The following PTK7 variants were observed in gnomAD, a reference collection of about 807,000 sequenced individuals.
PTK7 encodes the protein inactive tyrosine-protein kinase 7.
PTK7 carries 39 observed loss-of-function variants against 116.6 expected under a neutral mutation model. The observed-to-expected ratio is 0.33, with a 90% CI of 0.26 to 0.44. PTK7 has a LOEUF of 0.44. PTK7 is among the 20% of genes least tolerant of loss of function. The pLI, the probability that PTK7 is intolerant of heterozygous loss-of-function variation, is 1.00. For synonymous variants in PTK7, 546 were observed against 563.6 expected, an observed-to-expected ratio of 0.97 and a Z score of 0.44; for missense variants, 1,169 against 1,425.6, an observed-to-expected ratio of 0.82 and a Z score of 2.90.
intron 1 of PTK7, among the ~76,000 whole-genome samples, chr6:43,109,389 G>C (rs769222076): frequency 6.6e-6 from 1 of 151,058 alleles, no homozygotes. Flanking sequence ...GACCCTGCTA[G>C]TCTTTGCTTG....
chr6:43,113,748 A>G (rs966854570), intron 1 of PTK7, among the ~76,000 whole-genome samples: 3 of 152,180 alleles, frequency 2.0e-5, no homozygotes, highest in South Asian at 4.1e-4. Context: ...GGCTCAGACC[A>G]TTTTAGATGT....
intron 1 of PTK7, among the ~76,000 whole-genome samples, chr6:43,107,867 C>A (rs1016398116): frequency 6.6e-6 from 1 of 152,168 alleles, no homozygotes; most frequent in African/African-American, 2.4e-5. Context: ...ATGGAGGAGA[C>A]CAAGTGCGAG....
At chr6:43,098,736 G>T (rs1025738845) in intron 1 of PTK7, among the ~76,000 whole-genome samples, 4 of 151,210 alleles carry the variant, frequency 2.6e-5, no homozygotes, top group African/African-American at 9.8e-5. Context: ...ATCATAAGAG[G>T]TGAAGAAACT....
In PTK7 at chr6:43,143,857, C is replaced by A. The variant is rs185188910; in HGVS notation, c.2251+237C>A. 1.3e-5 allele frequency among the ~76,000 whole-genome samples: 2 copies of A among 152,228 alleles called. No homozygotes were observed. Among genetic ancestry groups the A allele is most frequent in the Non-Finnish European group, 2.9e-5 (2 of 68,042 alleles). The stretch of plus-strand genomic sequence containing the variant: ...CCCCTTGGACCAGCTTCCTATGATT[C>A]CCTGCTGTTTCCTCCTCCCAGCACA... On this transcript the variant is annotated intron_variant, in intron 14 of 19. Transcript: ENST00000230419. This position sits in a 1 kb window ranked among gnomAD's most constrained non-coding sequence, Gnocchi z 4.2.
chr6:43,132,161 G>A lies in PTK7; in HGVS notation c.958G>A (p.Ala320Thr), dbSNP rs141712145. The A allele has an allele frequency of 1.2e-4, 198 of 1,608,892 alleles. No homozygotes were observed. The highest frequency in any genetic ancestry group is 1.6e-4 in the Non-Finnish European group (185 of 1,176,082). ...PIILEATLHLAEIEDMPLFEP... is the reference protein window; with the variant it reads ...PIILEATLHLTEIEDMPLFEP... ...CATCCTGGAAGCCACACTTCACCTA[G>A]CAGGTGAGTCTCTGGGTCTGGGGTG... Residue 320 changes from alanine (A) to threonine (T), a missense_variant, in exon 6 of 20, where the codon GCA (alanine) becomes ACA (threonine). Transcript: ENST00000230419.
At chr6:43,157,582 A>G (rs1771584640) in intron 17 of PTK7, among the ~76,000 whole-genome samples, 1 of 151,406 alleles carries the variant, frequency 6.6e-6, no homozygotes, top group Non-Finnish European at 1.5e-5. Flanking sequence ...GAAACAACCC[A>G]TAAAGATATC....
intron 1 of PTK7, among the ~76,000 whole-genome samples, chr6:43,081,725 A>C (rs1766393969): frequency 1.3e-5 from 2 of 152,236 alleles, no homozygotes; most frequent in South Asian, 4.2e-4. Context: ...GTCCTCATAT[A>C]GGTTTATTTA....
intron 1 of PTK7, among the ~76,000 whole-genome samples, chr6:43,090,100 T>C (rs1426765954): frequency 6.6e-6 from 1 of 152,230 alleles, no homozygotes; most frequent in Non-Finnish European, 1.5e-5. Context: ...GAGTCTCTAC[T>C]TGGGCCTTTC....
intron 1 of PTK7, among the ~76,000 whole-genome samples, chr6:43,095,108 C>T: frequency 6.7e-6 from 1 of 148,372 alleles, no homozygotes; most frequent in East Asian, 2.0e-4. Flanking sequence ...GCCTGTAGTC[C>T]CAGCACTTTG....
chr6:43,125,536 A>G (rs1582146413), intron 1 of PTK7, among the ~76,000 whole-genome samples: 1 of 151,938 alleles, frequency 6.6e-6, no homozygotes, highest in African/African-American at 2.4e-5. Flanking sequence ...TATCCCACCC[A>G]CCACCTGCTT....
In PTK7 at chr6:43,145,342, T is replaced by C; in HGVS notation, c.2550T>C (p.Phe850=). 6.2e-7 allele frequency: 1 copy of C among 1,613,376 alleles called. No individual in the cohort carries two copies. Among genetic ancestry groups the C allele is most frequent in the Non-Finnish European group, 8.5e-7 (1 of 1,179,758 alleles). The change falls in exon 16 of 20, where the codon TTT becomes TTC. Residue 850 remains phenylalanine, a synonymous_variant. Coordinates refer to ENST00000230419, the MANE Select transcript of PTK7 (RefSeq NM_002821.5). This position sits in a 1 kb window ranked among gnomAD's most constrained non-coding sequence, Gnocchi z 4.8. ...QLDFRRELEM[F]GKLNHANVVR... ...ACTTCCGGAGGGAGTTGGAGATGTTTGGGAAGCTGAACCACGCCAACGTGG... is the reference window on the plus strand; with the variant it reads ...ACTTCCGGAGGGAGTTGGAGATGTTCGGGAAGCTGAACCACGCCAACGTGG...
chr6:43,122,464 A>G (rs1379331066), intron 1 of PTK7, among the ~76,000 whole-genome samples: 1 of 152,156 alleles, frequency 6.6e-6, no homozygotes, highest in African/African-American at 2.4e-5. Context: ...CTGTCTCCCT[A>G]CACTGGGAAG....
At position 43,160,812 on chromosome 6, in the gene PTK7, C is replaced by T. The variant is rs769293298; in HGVS notation, c.3144C>T (p.Pro1048=). 6.2e-7 allele frequency: 1 copy of T among 1,614,182 alleles called. No homozygotes were observed. Among genetic ancestry groups the T allele is most frequent in the East Asian group, 2.2e-5 (1 of 44,878 alleles). Residue 1048 remains proline, a synonymous_variant, in exon 20 of 20, where the codon CCC becomes CCT. Coordinates refer to ENST00000230419, the MANE Select transcript of PTK7 (RefSeq NM_002821.5). The part of the protein sequence containing the change: ...RLMQRCWALS[P]KDRPSFSEIA... The stretch of plus-strand genomic sequence containing the variant: ...TGCAGCGCTGCTGGGCCCTCAGCCC[C>T]AAGGACCGGCCCTCCTTCAGTGAGA...
At chr6:43,123,815 G>T (rs965981098) in intron 1 of PTK7, among the ~76,000 whole-genome samples, 1 of 152,196 alleles carries the variant, frequency 6.6e-6, no homozygotes, top group Admixed American at 6.5e-5. Context: ...GGTACGGCAG[G>T]CTCATACCGG....
Position 43,076,441 on chromosome 6 carries a change from C to G in PTK7, c.-48C>G. ...TCCTGTGCCCGCCGCGGAGCGCAGT[C>G]TGCGCGCCCGCCGTGCGCCCTCAGC... On this transcript the variant is annotated 5_prime_UTR_variant, in exon 1 of 20. Transcript: ENST00000230419. This position sits in a 1 kb window ranked among gnomAD's most constrained non-coding sequence, Gnocchi z 5.7. 1.4e-6 allele frequency: 2 copies of G among 1,465,810 alleles called. No individual in the cohort carries two copies. The highest frequency in any genetic ancestry group is 1.5e-5 in the African/African-American group (1 of 68,280). The allele number at this position is 1,465,810 out of a possible 1,614,324, so 90.8% of individuals were successfully genotyped here. A position where few individuals can be genotyped will look rare whatever the true frequency, so the allele number is the denominator to read the frequency against.
chr6:43,145,183 T>C lies in PTK7; in HGVS notation c.2408-17T>C. On this transcript the variant is annotated splice_polypyrimidine_tract_variant and intron_variant, in intron 15 of 19. Coordinates refer to ENST00000230419, the MANE Select transcript of PTK7 (RefSeq NM_002821.5). The surrounding 1 kb of genome is among the most constrained non-coding windows in gnomAD (Gnocchi z 4.8). Reference sequence around the variant, plus strand: ...GCCTGGGTGAAGGTGGCTGGCTGACTCAGACTGTACCCACAGGGAAGAGTG... The same window carrying C: ...GCCTGGGTGAAGGTGGCTGGCTGACCCAGACTGTACCCACAGGGAAGAGTG... 1 of 1,585,336 alleles carries C rather than the reference T, an allele frequency of 6.3e-7. No homozygotes were observed. The highest frequency in any genetic ancestry group is 1.7e-4 in the Middle Eastern group (1 of 5,818).
intron 1 of PTK7, among the ~76,000 whole-genome samples, chr6:43,089,655 C>T (rs924542271): frequency 7.9e-5 from 12 of 152,212 alleles, no homozygotes; most frequent in African/African-American, 2.9e-4. Flanking sequence ...AGCTACGCAG[C>T]AGCTTTTCTG....
At chr6:43,090,851 C>A (rs375444119) in intron 1 of PTK7, among the ~76,000 whole-genome samples, 13 of 152,094 alleles carry the variant, frequency 8.5e-5, no homozygotes, top group East Asian at 7.7e-4. Flanking sequence ...CACTTCCAGC[C>A]AGTTTTGTAA....
In PTK7 at chr6:43,151,242, G is replaced by T. The variant is rs1339934853; in HGVS notation, c.2721+4544G>T. Among the ~76,000 whole-genome samples, 8 of 143,116 alleles carry T rather than the reference G, an allele frequency of 5.6e-5. No homozygotes were observed. In the East Asian group the frequency reaches 1.4e-3, roughly 25 times the overall value. The allele number at this position is 143,116 out of a possible 152,430, so 93.9% of individuals were successfully genotyped here. A position where few individuals can be genotyped will look rare whatever the true frequency, so the allele number is the denominator to read the frequency against. ...TTTTTTTTTCTTGAGACCGAGTCTC[G>T]CTCTGTCGCCCAAGCTGGAGTGCAG... is the stretch of plus-strand genomic sequence containing the variant. On this transcript the variant is annotated intron_variant, in intron 17 of 19. Coordinates refer to ENST00000230419, the MANE Select transcript of PTK7 (RefSeq NM_002821.5).
Sources: gnomAD v4.1 joint callset for allele counts (sites outside exome capture counted in the v4.1 genomes callset) on GRCh38, gnomAD v4.1.1 for gene constraint, Gnocchi (gnomAD v3.1) non-coding constraint, MANE v1.5 for transcripts, NCBI Gene and HGNC (gene_info 2026-07-23, HGNC 2026-07-21) for gene names.